MTREX: variants seen among roughly 807,000 people sequenced by gnomAD.
The protein encoded by MTREX is exosome RNA helicase MTR4.
In MTREX, 76 loss-of-function variants were observed where a neutral mutation model predicts 135.4. The ratio of observed to expected loss-of-function variants is 0.56; its 90% CI spans 0.47 to 0.68. The LOEUF (loss-of-function observed/expected upper bound fraction) is 0.68, where lower values mean the gene tolerates loss of function less well. Ranked by LOEUF, MTREX falls within the 30% of genes least tolerant of loss-of-function variation. The pLI, the probability that MTREX is intolerant of heterozygous loss-of-function variation, is 0.00. For synonymous variants in MTREX, 404 were observed against 401.6 expected (o/e 1.01, Z -0.07); for missense variants, 920 against 1,262.1 (o/e 0.73, Z 4.11).
At chr5:55,345,235 A>C in intron 10 of MTREX, 39 bp downstream of exon 10, 1 of 1,290,454 alleles carries the variant, frequency 7.7e-7, no homozygotes, top group Non-Finnish European at 1.1e-6. Context: ...TTTACATGTA[A>C]ATTGTATATT....
intron 2 of MTREX, among the ~76,000 whole-genome samples, chr5:55,323,920 A>G (rs565645662): frequency 6.6e-5 from 10 of 152,188 alleles, no homozygotes; most frequent in Non-Finnish European, 1.2e-4. Flanking sequence ...CTGTATCTGT[A>G]ATAAAAGATG....
At chr5:55,365,335 A>G (rs1002864599) in intron 15 of MTREX, among the ~76,000 whole-genome samples, 7 of 152,204 alleles carry the variant, frequency 4.6e-5, no homozygotes, top group Non-Finnish European at 8.8e-5. Flanking sequence ...GAAAGTGGGT[A>G]AAGATCAAGG....
intron 19 of MTREX, among the ~76,000 whole-genome samples, chr5:55,391,648 T>C (rs1750569692): frequency 6.6e-6 from 1 of 152,224 alleles, no homozygotes; most frequent in African/African-American, 2.4e-5. Context: ...TTCTTTGTTC[T>C]AAATTTCTTC....
At chr5:55,354,666 C>T (rs1180508177) in intron 14 of MTREX, among the ~76,000 whole-genome samples, 1 of 138 alleles carries the variant, frequency 7.2e-3, no homozygotes, top group African/African-American at 0.036. Flanking sequence ...GTCAGGAGGG[C>T]CTGGCCAAGG....
At chr5:55,353,296 A>T in intron 14 of MTREX, 27 bp downstream of exon 14, 1 of 1,470,564 alleles carries the variant, frequency 6.8e-7, no homozygotes, top group Non-Finnish European at 9.4e-7. Context: ...ATATATCAAA[A>T]TAATTTTTGT....
intron 22 of MTREX, among the ~76,000 whole-genome samples, chr5:55,408,304 C>G (rs774750584): frequency 1.3e-5 from 2 of 152,104 alleles, no homozygotes; most frequent in Non-Finnish European, 2.9e-5. Context: ...TTTTAGGCTC[C>G]TCACCTTTTT....
At chr5:55,365,708 C>G (rs1399475627) in intron 15 of MTREX, among the ~76,000 whole-genome samples, 1 of 152,062 alleles carries the variant, frequency 6.6e-6, no homozygotes, top group Non-Finnish European at 1.5e-5. Context: ...AAATATACTT[C>G]TGAAGGCCCG....
At chr5:55,376,325 G>A (rs969536821) in intron 16 of MTREX, among the ~76,000 whole-genome samples, 3 of 152,176 alleles carry the variant, frequency 2.0e-5, no homozygotes, top group Admixed American at 6.5e-5. Flanking sequence ...ATTTGCATGC[G>A]ACGTTCAAGA....
intron 22 of MTREX, among the ~76,000 whole-genome samples, chr5:55,408,922 TTTATTTATTTATTTA>T (rs541563091): frequency 0.18 from 597 of 3,230 alleles, 16 homozygotes; most frequent in East Asian, 0.35. Context: ...AATATTTTTA[TTTATTTATTTATTTA>T]TTTATTTATT....
chr5:55,346,819 A>G (rs568873231), intron 10 of MTREX, among the ~76,000 whole-genome samples, 194 bp from the exon 11 acceptor site: 2 of 152,270 alleles, frequency 1.3e-5, no homozygotes, highest in South Asian at 4.1e-4. Context: ...CACTTTGATG[A>G]AGTCCAGTTC....
Position 55,397,543 on chromosome 5 carries a change from T to C in MTREX, c.2292+17T>C. ...TCAATACAGGTATGTGTTAATTTCA[T>C]AAGTTAAGTATAAATTTTATGTAAA... On this transcript the variant is annotated intron_variant, in intron 20 of 26. Transcript: ENST00000230640. 6.8e-7 allele frequency: 1 copy of C among 1,480,378 alleles called. No homozygotes were observed. The highest frequency in any genetic ancestry group is 2.3e-5 in the East Asian group (1 of 43,852). 91.7% of individuals were successfully genotyped at this position (1,480,378 alleles called of 1,614,324 possible).
chr5:55,311,237 A>G (rs1749106881), intron 1 of MTREX, among the ~76,000 whole-genome samples: 1 of 152,034 alleles, frequency 6.6e-6, no homozygotes, highest in African/African-American at 2.4e-5. Context: ...ATCAAATGCA[A>G]GTTGTTTTTT....
intron 16 of MTREX, among the ~76,000 whole-genome samples, chr5:55,370,732 T>C (rs975667047): frequency 2.0e-5 from 3 of 152,350 alleles, no homozygotes; most frequent in South Asian, 4.1e-4. Context: ...ACAGACCATG[T>C]AGTGTGAGAG....
intron 15 of MTREX, among the ~76,000 whole-genome samples, chr5:55,362,930 GTTA>G (rs773081756): frequency 2.0e-5 from 3 of 152,038 alleles, no homozygotes; most frequent in Non-Finnish European, 4.4e-5. Flanking sequence ...TTGAGTAAAT[GTTA>G]TTATTGGTTT....
intron 13 of MTREX, among the ~76,000 whole-genome samples, chr5:55,352,072 A>G (rs1010343641): frequency 7.3e-5 from 11 of 150,984 alleles, no homozygotes; most frequent in African/African-American, 2.7e-4. Flanking sequence ...TTTTGTAGAG[A>G]TGGGGTTTCA....
intron 22 of MTREX, among the ~76,000 whole-genome samples, chr5:55,407,778 G>A (rs1750829386): frequency 1.3e-5 from 2 of 151,974 alleles, no homozygotes; most frequent in South Asian, 4.1e-4. Context: ...TCTTGAGATG[G>A]GATTTTGCTC....
intron 3 of MTREX, chr5:55,324,552 A>G (rs1186126714): frequency 7.0e-6 from 1 of 143,150 alleles, no homozygotes; most frequent in Admixed American, 7.9e-5. Flanking sequence ...GGTTCAAGCA[A>G]TTCTCCTGCC....
At chr5:55,382,516 C>T (rs1002313449) in intron 18 of MTREX, among the ~76,000 whole-genome samples, 1 of 152,060 alleles carries the variant, frequency 6.6e-6, no homozygotes, top group African/African-American at 2.4e-5. Flanking sequence ...ATACATATTA[C>T]ATCTATAAAT....
At chr5:55,384,168 C>G (rs967139877) in intron 18 of MTREX, among the ~76,000 whole-genome samples, 1 of 152,176 alleles carries the variant, frequency 6.6e-6, no homozygotes, top group African/African-American at 2.4e-5. Context: ...CTATATTTCT[C>G]TGAGGCTTGG....
Sources: allele counts gnomAD v4.1 joint callset (sites outside exome capture counted in the v4.1 genomes callset), GRCh38; gene constraint gnomAD v4.1.1; transcripts MANE v1.5; gene names NCBI Gene and HGNC (gene_info 2026-07-23, HGNC 2026-07-21).